Variants in DLD observed in about 807,000 individuals in gnomAD.
The protein encoded by DLD is dihydrolipoyl dehydrogenase, mitochondrial.
A neutral mutation model predicts 62.2 loss-of-function variants in DLD; 36 were observed. The observed-to-expected ratio is 0.58, with a 90% confidence interval of 0.44 to 0.76. The LOEUF (loss-of-function observed/expected upper bound fraction) is 0.76, where lower values mean the gene tolerates loss of function less well. Ranked by LOEUF, DLD falls within the 30% of genes least tolerant of loss-of-function variation. DLD has a pLI of 0.00. For missense variants in DLD, 541 were observed against 608.6 expected (o/e 0.89, Z 1.17); for synonymous variants, 204 against 199.6 (o/e 1.02, Z -0.19).
chr7:107,891,246 G>A lies in DLD; in HGVS notation c.-5G>A, dbSNP rs764708998. ...TATTGGCGGAAAGGAAAATACAGCG[G>A]AAAAATGCAGAGCTGGAGTCGTGTG... On this transcript the variant is annotated 5_prime_UTR_variant, in exon 1 of 14. Transcript: ENST00000205402. The A allele has an allele frequency of 1.4e-5, 23 of 1,614,032 alleles. No individual in the cohort carries two copies. Among genetic ancestry groups the A allele is most frequent in the Admixed American group, 1.0e-4 (6 of 60,012 alleles).
intron 8 of DLD, among the ~76,000 whole-genome samples, chr7:107,914,409 T>C (rs530159731): frequency 1.3e-5 from 2 of 152,256 alleles, no homozygotes; most frequent in Admixed American, 1.3e-4. Context: ...TTTTATGGAT[T>C]GTGCTGTTGG....
Position 107,916,890 on chromosome 7 carries a change from A to G in DLD, c.972A>G (p.Leu324=), listed in dbSNP as rs376499673. Residue 324 remains leucine (L), a synonymous_variant, in exon 10 of 14, where the codon CTA becomes CTG. Transcript: ENST00000205402. ...GRRPFTKNLG[L]EELGIELDPR... ...GACCCTTTACTAAGAATTTGGGACT[A>G]GAAGAGCTGGGAATTGAACTAGATC... The G allele has an allele frequency of 1.9e-6, 3 of 1,613,822 alleles. No homozygotes were observed. The highest frequency in any genetic ancestry group is 2.5e-6 in the Non-Finnish European group (3 of 1,179,966).
intron 8 of DLD, among the ~76,000 whole-genome samples, chr7:107,912,810 C>T (rs2032175834): frequency 6.6e-6 from 1 of 151,892 alleles, no homozygotes; most frequent in Non-Finnish European, 1.5e-5. Flanking sequence ...TAATGTAATC[C>T]CATTTGTCTG....
At chr7:107,906,924 C>T (rs891881148) in intron 8 of DLD, among the ~76,000 whole-genome samples, 1 of 152,186 alleles carries the variant, frequency 6.6e-6, no homozygotes. Context: ...CTTGTAAACA[C>T]CAGGAATTGC....
chr7:107,892,101 A>G (rs944466013), intron 1 of DLD, among the ~76,000 whole-genome samples: 5 of 152,198 alleles, frequency 3.3e-5, no homozygotes, highest in African/African-American at 7.2e-5. Context: ...AGGATTGTCA[A>G]TCTGCTGCTT....
intron 8 of DLD, among the ~76,000 whole-genome samples, chr7:107,911,737 A>G (rs562659750): frequency 2.2e-4 from 34 of 151,764 alleles, no homozygotes; most frequent in African/African-American, 8.2e-4. Flanking sequence ...TAATAGATGT[A>G]CTTTTTTCAA....
Position 107,919,618 on chromosome 7 carries a change from T to C in DLD, c.*359T>C, listed in dbSNP as rs2032359503. 1 of 217,042 alleles carries C rather than the reference T, an allele frequency of 4.6e-6. No homozygotes were observed. The highest frequency in any genetic ancestry group is 9.2e-6 in the Non-Finnish European group (1 of 108,882). 13.4% of individuals were successfully genotyped at this position (217,042 alleles called of 1,614,324 possible). A position where few individuals can be genotyped will look rare whatever the true frequency, so the allele number is the denominator to read the frequency against. On this transcript the variant is annotated 3_prime_UTR_variant, in exon 14 of 14. Transcript: ENST00000205402. ...GAATTTTACATGGCTGGAGCTAGAA[T>C]TTGATATGTGAACAGTTGTGTTTGA...
In DLD at chr7:107,918,040, G is replaced by A; in HGVS notation, c.1353G>A (p.Leu451=). The A allele has an allele frequency of 6.2e-7, 1 of 1,613,978 alleles. No homozygotes were observed. Residue 451 remains leucine, a synonymous_variant, in exon 12 of 14, where the codon CTG becomes CTA. Transcript: ENST00000205402. ...GGCAGAAATCGACAGACAGAGTACTGGGAGCACATATTCTTGGACCAGTGA... is the reference window on the plus strand; with the variant it reads ...GGCAGAAATCGACAGACAGAGTACTAGGAGCACATATTCTTGGACCAGTGA... ...ILGQKSTDRV[L]GAHILGPGAG...
In DLD at chr7:107,920,351, C is replaced by T. The variant is rs546777301; in HGVS notation, c.*1092C>T. On this transcript the variant is annotated 3_prime_UTR_variant, in exon 14 of 14. Transcript: ENST00000205402. The stretch of plus-strand genomic sequence containing the variant: ...ATTGTAACTAAATTTAAGAATAATT[C>T]AGATTAAGTAGTTCTGAAATTTGGT... 29 of 152,260 alleles carry T rather than the reference C, an allele frequency of 1.9e-4. No homozygotes were observed. Among genetic ancestry groups the T allele is most frequent in the Non-Finnish European group, 4.1e-4 (28 of 68,024 alleles). 9.4% of individuals were successfully genotyped at this position (152,260 alleles called of 1,614,324 possible). A position where few individuals can be genotyped will look rare whatever the true frequency, so the allele number is the denominator to read the frequency against.
chr7:107,912,267 T>C (rs1355199791), intron 8 of DLD, among the ~76,000 whole-genome samples: 1 of 152,172 alleles, frequency 6.6e-6, no homozygotes, highest in Non-Finnish European at 1.5e-5. Flanking sequence ...TCTTGGCTAT[T>C]GTGAATAGTG....
At chr7:107,893,424 T>C (rs1183320646) in intron 2 of DLD, 146 bp downstream of exon 2, 1 of 649,460 alleles carries the variant, frequency 1.5e-6, no homozygotes, top group African/African-American at 1.8e-5. Context: ...TGAATGTATA[T>C]TGAGCTAGTG....
intron 2 of DLD, among the ~76,000 whole-genome samples, chr7:107,896,148 A>G (rs2116177609): frequency 6.6e-6 from 1 of 152,358 alleles, no homozygotes. Context: ...GTACTTAGGA[A>G]CATGGGCTTT....
At chr7:107,891,645 T>G (rs10227605) in intron 1 of DLD, 1 of 440,300 alleles carries the variant, frequency 2.3e-6, no homozygotes, top group South Asian at 2.2e-5. Context: ...TAGTCTGGCT[T>G]TTTATACCAT....
intron 5 of DLD, chr7:107,903,872 A>G (rs2158834): frequency 0.2 from 55,086 of 274,482 alleles, 6,322 homozygotes; most frequent in East Asian, 0.51. Flanking sequence ...GAAATCACTG[A>G]GAAGGCTGGA....
At chr7:107,904,032 G>C (rs1240967694) in intron 5 of DLD, among the ~76,000 whole-genome samples, 1 of 152,138 alleles carries the variant, frequency 6.6e-6, no homozygotes, top group African/African-American at 2.4e-5. Context: ...TACTTTTTGA[G>C]CTGTTTTAAT....
intron 9 of DLD, among the ~76,000 whole-genome samples, chr7:107,916,058 G>A (rs1301573811): frequency 1.3e-5 from 2 of 151,990 alleles, no homozygotes; most frequent in Admixed American, 6.5e-5. Context: ...TACTTTAATG[G>A]CATTTAACTT....
intron 9 of DLD, among the ~76,000 whole-genome samples, chr7:107,916,347 GTTTATA>G (rs1272011903): frequency 1.3e-5 from 2 of 152,052 alleles, no homozygotes. Context: ...TGACTCTTAT[GTTTATA>G]TTCAAATAAA....
At position 107,897,837 on chromosome 7, in the gene DLD, C is replaced by T. The variant is rs139454167; in HGVS notation, c.119-3901C>T. Among the ~76,000 whole-genome samples the T allele has an allele frequency of 4.9e-3, 746 of 152,142 alleles. 7 individuals carry two copies. Among genetic ancestry groups the T allele is most frequent in the African/African-American group, 0.017 (694 of 41,482 alleles). On this transcript the variant is annotated intron_variant, in intron 2 of 13. Transcript: ENST00000205402. ...CAAGTGATCCACCCGCATTGGCCTC[C>T]CAAAGTGCTGGGATTACACAGACTG...
chr7:107,894,246 C>T (rs549980275), intron 2 of DLD, among the ~76,000 whole-genome samples: 1 of 152,260 alleles, frequency 6.6e-6, no homozygotes, highest in Non-Finnish European at 1.5e-5. Flanking sequence ...TGAATTCACC[C>T]ATATGGATTA....
Sources: allele counts gnomAD v4.1 joint callset (sites outside exome capture counted in the v4.1 genomes callset), GRCh38; gene constraint gnomAD v4.1.1; transcripts MANE v1.5; gene names NCBI Gene and HGNC (gene_info 2026-07-23, HGNC 2026-07-21).